Variants in LRRN1 observed in about 807,000 individuals in gnomAD.
LRRN1 encodes leucine rich repeat neuronal 1.
Under a neutral mutation model 45.8 loss-of-function variants are expected in LRRN1, and 14 were observed. The observed-to-expected ratio is 0.31, with a 90% confidence interval of 0.20 to 0.48. LRRN1 has a LOEUF of 0.48. Among genes scored for constraint, LRRN1 ranks in the 20% least tolerant of loss-of-function variants. The pLI, the probability that LRRN1 is intolerant of heterozygous loss-of-function variation, is 0.99. For missense variants in LRRN1, 789 were observed against 874.2 expected, an observed-to-expected ratio of 0.90 and a Z score of 1.23; for synonymous variants, 359 against 330.1, an observed-to-expected ratio of 1.09 and a Z score of -0.95.
chr3:3,833,041 A>C lies in LRRN1; in HGVS notation c.-278-11323A>C, dbSNP rs141308275. Among the ~76,000 whole-genome samples, 307 of 152,238 alleles carry C rather than the reference A, an allele frequency of 2.0e-3. 1 individual carries two copies. Among genetic ancestry groups the C allele is most frequent in the African/African-American group, 7.1e-3 (293 of 41,532 alleles). On this transcript the variant is annotated intron_variant, in intron 1 of 1. Coordinates refer to ENST00000319331, the MANE Select transcript of LRRN1 (RefSeq NM_020873.7). ...GATCCAATTCTTCCCACTGTATTTA[A>C]ATTTTGTAGTTGAGTGACTGCTGTT...
intron 1 of LRRN1, among the ~76,000 whole-genome samples, chr3:3,824,734 G>C (rs749103360): frequency 2.6e-4 from 39 of 152,216 alleles, no homozygotes; most frequent in Non-Finnish European, 7.3e-5. Context: ...GTCATTCAAA[G>C]AACTGTAGAC....
intron 1 of LRRN1, among the ~76,000 whole-genome samples, chr3:3,804,564 G>A (rs749840624): frequency 7.2e-5 from 11 of 152,170 alleles, no homozygotes; most frequent in Non-Finnish European, 1.2e-4. Context: ...ACTGCTTTTA[G>A]AGTGGCTTAT....
At chr3:3,838,814 G>A (rs1226154351) in intron 1 of LRRN1, among the ~76,000 whole-genome samples, 1 of 152,022 alleles carries the variant, frequency 6.6e-6, no homozygotes, top group Non-Finnish European at 1.5e-5. Context: ...TGGGTCATTT[G>A]TATGTCTTTG....
intron 1 of LRRN1, among the ~76,000 whole-genome samples, chr3:3,830,302 A>T (rs181218830): frequency 3.1e-4 from 47 of 152,262 alleles, no homozygotes; most frequent in African/African-American, 9.4e-4. Context: ...CAATTTTCCA[A>T]TCATGTTTCT....
chr3:3,824,831 C>T (rs1057331559), intron 1 of LRRN1, among the ~76,000 whole-genome samples: 2 of 152,130 alleles, frequency 1.3e-5, no homozygotes, highest in Admixed American at 6.5e-5. Context: ...GGACAGGGTG[C>T]TTGGAGAGTG....
At chr3:3,834,528 A>ATATATATATATATATATATATATAT (rs1693449691) in intron 1 of LRRN1, among the ~76,000 whole-genome samples, 1 of 94,278 alleles carries the variant, frequency 1.1e-5, no homozygotes, top group African/African-American at 3.9e-5. Context: ...AGAACAGGAT[A>ATATATATATATATATATATATATAT]TATATATATA....
chr3:3,812,244 A>G lies in LRRN1; in HGVS notation c.-279+12325A>G, dbSNP rs562534348. ...AATAATCCAATTATCACACAAGTAA[A>G]TGTAAAATGATGGCTGTGTTAAGTC... On this transcript the variant is annotated intron_variant, in intron 1 of 1. Coordinates refer to ENST00000319331, the MANE Select transcript of LRRN1 (RefSeq NM_020873.7). 2.0e-5 allele frequency among the ~76,000 whole-genome samples: 3 copies of G among 152,342 alleles called. No homozygotes were observed. In the East Asian group the frequency reaches 5.8e-4, roughly 29 times the overall value.
chr3:3,824,011 C>T (rs1245960833), intron 1 of LRRN1, among the ~76,000 whole-genome samples: 1 of 152,130 alleles, frequency 6.6e-6, no homozygotes, highest in South Asian at 2.1e-4. Flanking sequence ...GACTCAGGTC[C>T]CCTAACTCTT....
chr3:3,812,757 C>A (rs1395840347), intron 1 of LRRN1, among the ~76,000 whole-genome samples: 1 of 150,456 alleles, frequency 6.6e-6, no homozygotes, highest in Admixed American at 6.6e-5. Context: ...GAAAGTTTCT[C>A]CTCCATTTCT....
Position 3,846,587 on chromosome 3 carries a change from C to G in LRRN1, c.1946C>G (p.Ala649Gly). 6.2e-7 allele frequency: 1 copy of G among 1,614,082 alleles called. No homozygotes were observed. Among genetic ancestry groups the G allele is most frequent in the Non-Finnish European group, 8.5e-7 (1 of 1,180,012 alleles). The change falls in exon 2 of 2, where the codon GCT becomes GGT. Residue 649 changes from alanine to glycine, a missense_variant. Ala to Gly is a moderately conservative substitution (Grantham distance 60). Coordinates refer to ENST00000319331, the MANE Select transcript of LRRN1 (RefSeq NM_020873.7). This position sits in a 1 kb window ranked among gnomAD's most constrained non-coding sequence, Gnocchi z 5.7. ...MFAVISLASIAVYFAKRFKRK... is the reference protein window; with the variant it reads ...MFAVISLASIGVYFAKRFKRK... ...GCCGTCATTAGCCTTGCGTCCATTG[C>G]TGTGTACTTTGCCAAAAGATTTAAG... is the stretch of plus-strand genomic sequence containing the variant.
intron 1 of LRRN1, among the ~76,000 whole-genome samples, chr3:3,809,096 G>A (rs1048855185): frequency 1.3e-5 from 2 of 152,096 alleles, no homozygotes; most frequent in Non-Finnish European, 2.9e-5. Flanking sequence ...AATTACTGCC[G>A]ATATTTGCAG....
chr3:3,818,597 T>C (rs1052455835), intron 1 of LRRN1, among the ~76,000 whole-genome samples: 1 of 152,220 alleles, frequency 6.6e-6, no homozygotes, highest in Non-Finnish European at 1.5e-5. Context: ...CATAGAATCT[T>C]GGGTTTAAAA....
intron 1 of LRRN1, among the ~76,000 whole-genome samples, chr3:3,828,361 C>T (rs1411624624): frequency 6.6e-6 from 1 of 151,758 alleles, no homozygotes; most frequent in Admixed American, 6.6e-5. Flanking sequence ...GAGGCTAGAC[C>T]CGTCTCTCTT....
Position 3,849,237 on chromosome 3 carries a change from C to T in LRRN1, c.*2445C>T, listed in dbSNP as rs557039809. On this transcript the variant is annotated 3_prime_UTR_variant, in exon 2 of 2. Transcript: ENST00000319331. The stretch of plus-strand genomic sequence containing the variant: ...GTGCAATAAATGAAGGGAAAAACCT[C>T]AGCCGTTTCTCCATTCTGAAGATAT... 2.6e-5 allele frequency among the ~76,000 whole-genome samples: 4 copies of T among 152,286 alleles called. No homozygotes were observed. The highest frequency in any genetic ancestry group is 9.6e-5 in the African/African-American group (4 of 41,566).
In LRRN1 at chr3:3,806,618, A is replaced by G. The variant is rs116083645; in HGVS notation, c.-279+6699A>G. Among the ~76,000 whole-genome samples the G allele has an allele frequency of 8.9e-3, 1,354 of 152,330 alleles. 9 individuals carry two copies. Among genetic ancestry groups the G allele is most frequent in the Admixed American group, 0.022 (337 of 15,306 alleles). Reference sequence around the variant, plus strand: ...GGAAACAGAGAGAAAGTCGATAGCAATAGACATAGGACAGCACAAGCTGCA... The same window carrying G: ...GGAAACAGAGAGAAAGTCGATAGCAGTAGACATAGGACAGCACAAGCTGCA... On this transcript the variant is annotated intron_variant, in intron 1 of 1. Transcript: ENST00000319331.
Position 3,847,074 on chromosome 3 carries a change from C to G in LRRN1, c.*282C>G, listed in dbSNP as rs1693795976. Reference sequence around the variant, plus strand: ...TTTATTTTAGTTGTTGTGCTAAACTCAATAATGCTGTTCTAACTACAGTGC... The same window carrying G: ...TTTATTTTAGTTGTTGTGCTAAACTGAATAATGCTGTTCTAACTACAGTGC... On this transcript the variant is annotated 3_prime_UTR_variant, in exon 2 of 2. Transcript: ENST00000319331. 4.4e-6 allele frequency: 1 copy of G among 229,154 alleles called. No individual in the cohort carries two copies. The highest frequency in any genetic ancestry group is 2.3e-5 in the African/African-American group (1 of 43,180). The allele number at this position is 229,154 out of a possible 1,614,324, so 14.2% of individuals were successfully genotyped here.
In LRRN1 at chr3:3,845,844, GC is replaced by G; in HGVS notation, c.1205del (p.Pro402ArgfsTer9). 1 of 1,614,116 alleles carries G rather than the reference GC, an allele frequency of 6.2e-7. No individual in the cohort carries two copies. Among genetic ancestry groups the G allele is most frequent in the Non-Finnish European group, 8.5e-7 (1 of 1,180,018 alleles). On this transcript the variant is annotated frameshift_variant, in exon 2 of 2. Coordinates refer to ENST00000319331, the MANE Select transcript of LRRN1 (RefSeq NM_020873.7). LOFTEE classifies it high-confidence loss of function. This position sits in a 1 kb window ranked among gnomAD's most constrained non-coding sequence, Gnocchi z 6.5. ...MEPLSMFCAM[P>X]PEYKGHQVKE... is the part of the protein sequence containing the mutation. ...AGCCCCTGTCCATGTTCTGTGCCAT[GC>G]CGCCCGAATATAAAGGGCACCAGGT...
chr3:3,819,806 G>C (rs1168099650), intron 1 of LRRN1, among the ~76,000 whole-genome samples: 1 of 152,116 alleles, frequency 6.6e-6, no homozygotes, highest in Non-Finnish European at 1.5e-5. Flanking sequence ...CAAGCATTTT[G>C]ACCCAGATCA....
chr3:3,807,129 C>T (rs747188744), intron 1 of LRRN1, among the ~76,000 whole-genome samples: 1 of 152,180 alleles, frequency 6.6e-6, no homozygotes, highest in Non-Finnish European at 1.5e-5. Context: ...TGCAGAGAAA[C>T]TTAAGCTGGG....
Sources: gnomAD v4.1 joint callset for allele counts (sites outside exome capture counted in the v4.1 genomes callset) on GRCh38, gnomAD v4.1.1 for gene constraint, Gnocchi (gnomAD v3.1) non-coding constraint, MANE v1.5 for transcripts, NCBI Gene and HGNC (gene_info 2026-07-23, HGNC 2026-07-21) for gene names.